The following BSG variants were observed in gnomAD, a reference collection of about 807,000 sequenced individuals.
BSG encodes basigin (Ok blood group).
BSG carries 37 observed loss-of-function variants against 43.1 expected under a neutral mutation model. The ratio of observed to expected loss-of-function variants is 0.86; its 90% confidence interval spans 0.66 to 1.13. The LOEUF (loss-of-function observed/expected upper bound fraction) is 1.13. Among genes scored for constraint, BSG ranks in the 50% most tolerant of loss-of-function variants. The pLI is 0.00. For missense variants in BSG, 599 were observed against 554.2 expected, an observed-to-expected ratio of 1.08 and a Z score of -0.81; for synonymous variants, 309 against 238.7, an observed-to-expected ratio of 1.29 and a Z score of -2.72.
intron 3 of BSG, 149 bp downstream of exon 3, chr19:579,805 GAA>G: frequency 7.8e-7 from 1 of 1,280,122 alleles, no homozygotes; most frequent in Non-Finnish European, 1.0e-6. Flanking sequence ...CCCCCAGAGG[GAA>G]ACCCCAGGGA....
At chr19:582,661 G>C in intron 8 of BSG, 79 bp downstream of exon 8, 2 of 1,412,704 alleles carry the variant, frequency 1.4e-6, no homozygotes, top group Admixed American at 2.0e-5. Flanking sequence ...TGTGGTGGGC[G>C]GGATCTGCTA....
chr19:575,805 G>A (rs2238540), intron 1 of BSG, among the ~76,000 whole-genome samples: 3 of 152,000 alleles, frequency 2.0e-5, no homozygotes, highest in African/African-American at 7.3e-5. Flanking sequence ...GGCTGTGGCC[G>A]AGGGTCAGGC....
Position 577,939 on chromosome 19 carries a change from G to A in BSG, c.233G>A (p.Arg78His), listed in dbSNP as rs772713478. 16 of 1,608,284 alleles carry A rather than the reference G, an allele frequency of 9.9e-6. No homozygotes were observed. Among genetic ancestry groups the A allele is most frequent in the Middle Eastern group, 1.6e-4 (1 of 6,068 alleles). Residue 78 changes from arginine (R) to histidine (H), a missense_variant, in exon 2 of 9, where the codon CGC (arginine) becomes CAC (histidine). Arg to His is a conservative substitution (Grantham distance 29, BLOSUM62 0). Transcript: ENST00000333511. ...SQLWDGARLD[R>H]VHIHATYHQH... ...CTCTGGGACGGCGCCCGGCTGGACC[G>A]CGTCCACATCCACGCCACCTACCAC...
At chr19:573,242 C>T (rs1436723937) in intron 1 of BSG, among the ~76,000 whole-genome samples, 3 of 152,148 alleles carry the variant, frequency 2.0e-5, no homozygotes, top group Admixed American at 6.5e-5. Flanking sequence ...GGGCTGGACT[C>T]CGCAGGACCT....
At chr19:578,152 C>T in intron 2 of BSG, 31 bp downstream of exon 2, 1 of 1,492,304 alleles carries the variant, frequency 6.7e-7, no homozygotes, top group Non-Finnish European at 9.0e-7. Context: ...TCCCCGCCTC[C>T]CTCAGTTTCC....
At chr19:578,755 G>T in intron 2 of BSG, 1 of 263,086 alleles carries the variant, frequency 3.8e-6, no homozygotes, top group Non-Finnish European at 7.5e-6. Context: ...TTTTCCTGGA[G>T]ATGGAGTCTT....
chr19:572,421 G>T (rs916305576), upstream of BSG: 18 of 1,134,022 alleles, frequency 1.6e-5, no homozygotes, highest in Admixed American at 9.8e-5. Flanking sequence ...CCGCCGCCCG[G>T]ATTCCGTAGC....
Position 577,798 on chromosome 19 carries a change from C to G in BSG, c.92C>G (p.Ser31Cys). The G allele has an allele frequency of 6.9e-6, 10 of 1,439,210 alleles. No homozygotes were observed. The highest frequency in any genetic ancestry group is 9.2e-6 in the Non-Finnish European group (10 of 1,090,146). 89.2% of individuals were successfully genotyped at this position (1,439,210 alleles called of 1,614,324 possible). ...GCCGGCTTCGTCCAGGCGCCGCTGT[C>G]CCAGCAGAGGTGGGTGGGGGGCAGT... Reference protein sequence around the residue: ...GAAGFVQAPLSQQRWVGGSVE... With the variant: ...GAAGFVQAPLCQQRWVGGSVE... Residue 31 changes from serine to cysteine, a missense_variant, in exon 2 of 9, where the codon TCC becomes TGC. Physicochemically the swap from Ser to Cys is moderately radical, Grantham distance 112. Transcript: ENST00000333511.
Position 581,427 on chromosome 19 carries a change from A to G in BSG, c.905A>G (p.Asn302Ser). 6.2e-7 allele frequency: 1 copy of G among 1,612,632 alleles called. No homozygotes were observed. The highest frequency in any genetic ancestry group is 8.5e-7 in the Non-Finnish European group (1 of 1,179,872). ...GCCGACCCCGGCCAGTACCGGTGCAACGGCACCAGCTCCAAGGGCTCCGAC... is the reference window on the plus strand; with the variant it reads ...GCCGACCCCGGCCAGTACCGGTGCAGCGGCACCAGCTCCAAGGGCTCCGAC... Reference protein sequence around the residue: ...MEADPGQYRCNGTSSKGSDQA... With the variant: ...MEADPGQYRCSGTSSKGSDQA... Residue 302 changes from asparagine (N) to serine (S), a missense_variant, in exon 6 of 9, where the codon AAC becomes AGC. By Grantham distance (46) the Asn-to-Ser change is conservative. Transcript: ENST00000333511.
chr19:575,589 T>A (rs1220782240), intron 1 of BSG, among the ~76,000 whole-genome samples: 17 of 112,824 alleles, frequency 1.5e-4, no homozygotes, highest in African/African-American at 5.6e-4. Flanking sequence ...CGCTGGCTGC[T>A]GTCTGAGCAC....
intron 6 of BSG, 124 bp from the exon 7 acceptor site, chr19:582,182 C>G (rs1982383687): frequency 7.4e-7 from 1 of 1,347,168 alleles, no homozygotes; most frequent in Non-Finnish European, 1.0e-6. Context: ...CTGCCCCGAG[C>G]CACCCCTGGG....
At chr19:572,522 G>A (rs1023726199), upstream of BSG, 86 of 1,237,646 alleles carry the variant, frequency 6.9e-5, no homozygotes, top group Non-Finnish European at 7.9e-5. Context: ...CCCCGCCCCC[G>A]AGATGACGCC....
At chr19:582,357 G>T in intron 7 of BSG, 27 bp downstream of exon 7, 1 of 1,596,460 alleles carries the variant, frequency 6.3e-7, no homozygotes, top group Non-Finnish European at 8.5e-7. Context: ...GGGGTCGGGG[G>T]TCCCAAGGAG....
At chr19:575,216 ACC>A (rs1981658628) in intron 1 of BSG, 2 of 151,862 alleles carry the variant, frequency 1.3e-5, no homozygotes, top group Non-Finnish European at 2.9e-5. Context: ...GTGGTGAGAA[ACC>A]CCACTTTTGC....
At position 580,710 on chromosome 19, in the gene BSG, G is replaced by T. The variant is rs1803535; in HGVS notation, c.720G>T (p.Leu240=). Residue 240 remains leucine (L), a synonymous_variant, in exon 5 of 9, where the codon CTG becomes CTT. Coordinates refer to ENST00000333511, the MANE Select transcript of BSG (RefSeq NM_001728.4). ...EHINEGETAM[L]VCKSESVPPV... The stretch of plus-strand genomic sequence containing the variant: ...TCAACGAGGGGGAGACGGCCATGCT[G>T]GTCTGCAAGTCAGAGTCCGTGCCAC... The T allele has an allele frequency of 1.3e-6, 2 of 1,592,254 alleles. No homozygotes were observed. Among genetic ancestry groups the T allele is most frequent in the Non-Finnish European group, 1.7e-6 (2 of 1,161,440 alleles).
Position 572,668 on chromosome 19 carries a change from G to T in BSG, c.34G>T (p.Ala12Ser). Residue 12 changes from alanine (A) to serine (S), a missense_variant, in exon 1 of 9, where the codon GCG (alanine) becomes TCG (serine). Coordinates refer to ENST00000333511, the MANE Select transcript of BSG (RefSeq NM_001728.4). Reference protein sequence around the residue: ...AAALFVLLGFALLGTHGASGA... With the variant: ...AAALFVLLGFSLLGTHGASGA... ...TGCGCTGTTCGTGCTGCTGGGATTCGCGCTGCTGGGCACCCACGGAGCCTC... is the reference window on the plus strand; with the variant it reads ...TGCGCTGTTCGTGCTGCTGGGATTCTCGCTGCTGGGCACCCACGGAGCCTC... 1 of 1,501,772 alleles carries T rather than the reference G, an allele frequency of 6.7e-7. No individual in the cohort carries two copies. 93.0% of individuals were successfully genotyped at this position (1,501,772 alleles called of 1,614,324 possible).
chr19:578,153 C>G (rs750138514), intron 2 of BSG, 32 bp downstream of exon 2: 1 of 1,493,766 alleles, frequency 6.7e-7, no homozygotes, highest in Non-Finnish European at 9.0e-7. Flanking sequence ...CCCCGCCTCC[C>G]TCAGTTTCCC....
Position 579,586 on chromosome 19 carries a change from G to A in BSG, c.502G>A (p.Gly168Arg). Reference sequence around the variant, plus strand: ...GAATGACAGCGCCACAGAGGTCACAGGGCACCGCTGGCTGAAGGGGGGCGT... The same window carrying A: ...GAATGACAGCGCCACAGAGGTCACAAGGCACCGCTGGCTGAAGGGGGGCGT... ...SLNDSATEVT[G>R]HRWLKGGVVL... The change falls in exon 3 of 9, where the codon GGG becomes AGG. Residue 168 changes from glycine to arginine, a missense_variant. Physicochemically the swap from Gly to Arg is moderately radical, Grantham distance 125 (BLOSUM62 -2). Transcript: ENST00000333511. 1 of 1,612,714 alleles carries A rather than the reference G, an allele frequency of 6.2e-7. No individual in the cohort carries two copies. The highest frequency in any genetic ancestry group is 1.3e-5 in the African/African-American group (1 of 75,072).
chr19:577,102 A>G (rs1981844995), intron 1 of BSG, among the ~76,000 whole-genome samples: 1 of 152,138 alleles, frequency 6.6e-6, no homozygotes, highest in African/African-American at 2.4e-5. Context: ...GGCGAGTGCT[A>G]GGCACAGTGT....
Sources: allele counts gnomAD v4.1 joint callset (sites outside exome capture counted in the v4.1 genomes callset), GRCh38; gene constraint gnomAD v4.1.1; transcripts MANE v1.5; gene names NCBI Gene and HGNC (gene_info 2026-07-23, HGNC 2026-07-21).